Variants in GALNT13 observed in about 807,000 individuals in gnomAD.
GALNT13 encodes the protein polypeptide N-acetylgalactosaminyltransferase 13.
A neutral mutation model predicts 64.2 loss-of-function variants in GALNT13; 28 were observed. That is an observed-to-expected ratio of 0.44 (90% CI 0.32 to 0.60). GALNT13 has a LOEUF of 0.60. GALNT13 is among the 20% of genes least tolerant of loss of function. The pLI is 0.05. For synonymous variants in GALNT13, 214 were observed against 224.6 expected (o/e 0.95, Z 0.42); for missense variants, 577 against 669.8 (o/e 0.86, Z 1.53).
chr2:154,264,635 A>T (rs1690886081), intron 8 of GALNT13, among the ~76,000 whole-genome samples: 1 of 151,972 alleles, frequency 6.6e-6, no homozygotes, highest in Non-Finnish European at 1.5e-5. Context: ...AGACTCTGTC[A>T]AAAACAAACA....
intron 9 of GALNT13, among the ~76,000 whole-genome samples, chr2:154,345,242 CATA>C (rs1449819813): frequency 1.3e-5 from 2 of 151,990 alleles, no homozygotes; most frequent in Non-Finnish European, 2.9e-5. Context: ...CTGGAAAGTT[CATA>C]ATAATCCTGA....
chr2:154,021,243 C>G (rs1330415095), intron 3 of GALNT13, among the ~76,000 whole-genome samples: 2 of 152,126 alleles, frequency 1.3e-5, no homozygotes, highest in South Asian at 2.1e-4. Context: ...TGAAGAAAGT[C>G]ATTGGTAGCT....
At chr2:153,546,274 C>T in the GALNT13 span, among the ~76,000 whole-genome samples, 13 of 152,214 alleles carry the variant, frequency 8.5e-5, no homozygotes, top group East Asian at 7.7e-4. Flanking sequence ...AACATTAAAA[C>T]GCTGTGACAA....
At chr2:153,294,262 CCTT>C in the GALNT13 span, among the ~76,000 whole-genome samples, 1 of 152,104 alleles carries the variant, frequency 6.6e-6, no homozygotes, top group African/African-American at 2.4e-5. Context: ...TCCTTGAAGT[CCTT>C]CTCAATACTC....
At chr2:153,772,722 A>T in the GALNT13 span, among the ~76,000 whole-genome samples, 37 of 152,152 alleles carry the variant, frequency 2.4e-4, no homozygotes, top group Admixed American at 1.3e-3. Context: ...ATAGTCTTCA[A>T]GTCCTTGCAG....
the GALNT13 span, among the ~76,000 whole-genome samples, chr2:153,749,751 C>T: frequency 1.6e-4 from 24 of 151,772 alleles, no homozygotes; most frequent in African/African-American, 5.1e-4. Flanking sequence ...TAGATTTTTT[C>T]AAATATAAGA....
chr2:153,344,575 C>CT, the GALNT13 span, among the ~76,000 whole-genome samples: 1 of 152,006 alleles, frequency 6.6e-6, no homozygotes. Context: ...CATTCCCCAG[C>CT]TTTTTTTGTG....
At chr2:154,428,876 G>A (rs926554013) in intron 11 of GALNT13, among the ~76,000 whole-genome samples, 1 of 151,796 alleles carries the variant, frequency 6.6e-6, no homozygotes, top group Non-Finnish European at 1.5e-5. Context: ...CCGCCTCCCG[G>A]GTTCATGCCA....
chr2:153,939,168 G>A (rs948637231), intron 2 of GALNT13, among the ~76,000 whole-genome samples: 4 of 152,152 alleles, frequency 2.6e-5, no homozygotes, highest in African/African-American at 7.2e-5. Flanking sequence ...TATATAGGCT[G>A]ATAGGAAAGC....
the GALNT13 span, among the ~76,000 whole-genome samples, chr2:153,363,985 C>G: frequency 6.6e-6 from 1 of 152,078 alleles, no homozygotes; most frequent in Non-Finnish European, 1.5e-5. Context: ...CACGAAAATC[C>G]TCAATAAAAT....
intron 1 of GALNT13, among the ~76,000 whole-genome samples, chr2:153,884,825 A>G (rs1282728218): frequency 1.4e-4 from 16 of 112,600 alleles, no homozygotes; most frequent in African/African-American, 6.3e-4. Flanking sequence ...GTGTGTATAT[A>G]TATGTGTGTG....
At chr2:154,326,331 A>G in intron 9 of GALNT13, among the ~76,000 whole-genome samples, 1 of 151,964 alleles carries the variant, frequency 6.6e-6, no homozygotes, top group African/African-American at 2.4e-5. Context: ...TTCTGCAAAA[A>G]AAAAAAAAAA....
At chr2:153,689,105 G>T in the GALNT13 span, among the ~76,000 whole-genome samples, 1 of 101,126 alleles carries the variant, frequency 9.9e-6, no homozygotes, top group South Asian at 3.1e-4. Flanking sequence ...TGTGTGTTTA[G>T]CGTTAGTAGA....
chr2:153,096,671 A>C, the GALNT13 span, among the ~76,000 whole-genome samples: 711 of 152,170 alleles, frequency 4.7e-3, 6 homozygotes, highest in South Asian at 0.038. Context: ...GTCTAATGTA[A>C]GTATAGTGAC....
Position 154,169,963 on chromosome 2 carries a change from A to G in GALNT13, c.311+29458A>G, listed in dbSNP as rs143037775. Among the ~76,000 whole-genome samples the G allele has an allele frequency of 6.0e-4, 91 of 152,260 alleles. 2 individuals are homozygous for G. The East Asian group carries it at 0.015, about 25-fold the overall frequency. On this transcript the variant is annotated intron_variant, in intron 4 of 12. Transcript: ENST00000392825. ...GAGCAGAAGCACAGTGCTGCAAGGAAGAAACTTCAGCTGAATTTCAGGCAG... is the reference window on the plus strand; with the variant it reads ...GAGCAGAAGCACAGTGCTGCAAGGAGGAAACTTCAGCTGAATTTCAGGCAG...
chr2:153,509,293 C>T, the GALNT13 span, among the ~76,000 whole-genome samples: 1 of 152,204 alleles, frequency 6.6e-6, no homozygotes, highest in Non-Finnish European at 1.5e-5. Flanking sequence ...AGCTGGGGCT[C>T]CCGCCCTGCC....
At chr2:154,108,285 T>G (rs66760636) in intron 3 of GALNT13, among the ~76,000 whole-genome samples, 27,704 of 152,008 alleles carry the variant, frequency 0.18, 4,630 homozygotes, top group East Asian at 0.74. Flanking sequence ...TCTTTTAACT[T>G]TTTGGTAGTT....
At chr2:153,201,375 C>T in the GALNT13 span, among the ~76,000 whole-genome samples, 234 of 152,272 alleles carry the variant, frequency 1.5e-3, no homozygotes, top group African/African-American at 5.4e-3. Context: ...CTACAGAAAA[C>T]GGAAAGCTAA....
At chr2:153,767,896 A>AT in the GALNT13 span, among the ~76,000 whole-genome samples, 2 of 151,996 alleles carry the variant, frequency 1.3e-5, no homozygotes, top group African/African-American at 4.8e-5. Flanking sequence ...CTGATTATTT[A>AT]AGTGGTCTGT....
Sources: allele counts gnomAD v4.1 joint callset (sites outside exome capture counted in the v4.1 genomes callset), GRCh38; gene constraint gnomAD v4.1.1; transcripts MANE v1.5; gene names NCBI Gene and HGNC (gene_info 2026-07-23, HGNC 2026-07-21).